TENM4: variants seen among roughly 807,000 people sequenced by gnomAD.
The protein encoded by TENM4 is teneurin-4.
A neutral mutation model predicts 243.3 loss-of-function variants in TENM4; 82 were observed. The observed-to-expected ratio is 0.34, with a 90% CI of 0.28 to 0.40. The LOEUF (loss-of-function observed/expected upper bound fraction) is 0.40. TENM4 is among the 10% of genes least tolerant of loss of function. The pLI is 1.00. For synonymous variants in TENM4, 1,412 were observed against 1,456.3 expected (o/e 0.97, Z 0.69); for missense variants, 3,138 against 3,673.3 (o/e 0.85, Z 3.77).
chr11:78,737,695 GT>G (rs1855831943), intron 20 of TENM4, among the ~76,000 whole-genome samples: 1 of 151,996 alleles, frequency 6.6e-6, no homozygotes, highest in Admixed American at 6.6e-5. Flanking sequence ...CTCATTGCCT[GT>G]CCTGTCACCA....
intron 2 of TENM4, among the ~76,000 whole-genome samples, chr11:79,290,730 C>G (rs138854336): frequency 2.0e-5 from 3 of 152,056 alleles, no homozygotes. Flanking sequence ...CTCTTTGGAC[C>G]ATTTTATTGA....
chr11:79,312,899 G>A (rs1260279081), intron 1 of TENM4, among the ~76,000 whole-genome samples: 1 of 152,220 alleles, frequency 6.6e-6, no homozygotes, highest in African/African-American at 2.4e-5. Flanking sequence ...GCCAGGGCAA[G>A]CTACTCACTC....
In TENM4 at chr11:78,771,146, A is replaced by G. The variant is rs1856638921; in HGVS notation, c.2393-8T>C. 3.2e-6 allele frequency: 5 copies of G among 1,563,538 alleles called. No homozygotes were observed. In the Middle Eastern group the frequency reaches 5.0e-4, roughly 156 times the overall value. On this transcript the variant is annotated splice_region_variant and splice_polypyrimidine_tract_variant and intron_variant, in intron 17 of 33. Transcript: ENST00000278550. ...ACAACCCAGGGCAACCCTCTGAAAG[A>G]CAAAGTACAGGGTTGAGGTCTGATC... is the stretch of plus-strand genomic sequence containing the variant.
intron 3 of TENM4, among the ~76,000 whole-genome samples, chr11:79,187,214 T>A (rs958495003): frequency 6.6e-6 from 1 of 152,196 alleles, no homozygotes; most frequent in African/African-American, 2.4e-5. Flanking sequence ...TGAGACGGGT[T>A]CAAGATAGAG....
intron 6 of TENM4, chr11:78,903,826 T>C (rs1215642922): frequency 6.1e-6 from 4 of 652,914 alleles, no homozygotes; most frequent in African/African-American, 5.3e-5. Flanking sequence ...AACTTCACAT[T>C]GTTTCATGCT....
chr11:78,802,395 C>T (rs1171941276), intron 15 of TENM4, among the ~76,000 whole-genome samples: 2 of 152,236 alleles, frequency 1.3e-5, no homozygotes, highest in Non-Finnish European at 2.9e-5. Context: ...TTGCCAAGGT[C>T]GCATGGTTAA....
At chr11:78,802,127 A>G (rs1333699048) in intron 15 of TENM4, among the ~76,000 whole-genome samples, 1 of 152,228 alleles carries the variant, frequency 6.6e-6, no homozygotes, top group Admixed American at 6.5e-5. Flanking sequence ...TCTTGGCTCT[A>G]GTGAATCCAG....
chr11:79,287,986 C>T (rs980026833), intron 2 of TENM4, among the ~76,000 whole-genome samples: 3 of 152,184 alleles, frequency 2.0e-5, no homozygotes, highest in Non-Finnish European at 2.9e-5. Context: ...TCAGTGGGAA[C>T]CCCAACAGCC....
At chr11:79,210,146 T>C (rs1016085509) in intron 3 of TENM4, among the ~76,000 whole-genome samples, 2 of 152,196 alleles carry the variant, frequency 1.3e-5, no homozygotes, top group African/African-American at 2.4e-5. Flanking sequence ...TTAGGATTAT[T>C]TCTTCAGTCT....
At chr11:79,221,063 A>C (rs1018075000) in intron 2 of TENM4, 1 of 152,242 alleles carries the variant, frequency 6.6e-6, no homozygotes, top group African/African-American at 2.4e-5. Flanking sequence ...AATAATGCCA[A>C]TCCTCCCAGG....
intron 6 of TENM4, 28 bp downstream of exon 6, chr11:79,064,710 C>G: frequency 6.4e-7 from 1 of 1,551,316 alleles, no homozygotes; most frequent in Non-Finnish European, 8.7e-7. Context: ...CACCCAGGCA[C>G]CCGGCACAGA....
intron 12 of TENM4, among the ~76,000 whole-genome samples, chr11:78,824,003 A>C (rs1404523864): frequency 6.6e-6 from 1 of 152,220 alleles, no homozygotes; most frequent in Non-Finnish European, 1.5e-5. Flanking sequence ...ACATGAAGGC[A>C]CAGATACTTG....
At chr11:78,950,894 G>A (rs996089982) in intron 6 of TENM4, among the ~76,000 whole-genome samples, 5 of 152,378 alleles carry the variant, frequency 3.3e-5, no homozygotes, top group African/African-American at 1.2e-4. Context: ...CAGCTGAGCA[G>A]ACTCAATGGA....
At chr11:78,941,086 A>G (rs556068407) in intron 6 of TENM4, among the ~76,000 whole-genome samples, 125 of 152,320 alleles carry the variant, frequency 8.2e-4, no homozygotes, top group Non-Finnish European at 1.3e-3. Flanking sequence ...GGAGCCTTAA[A>G]GCTCTTCCAG....
Position 78,913,362 on chromosome 11 carries a change from G to A in TENM4, c.494-9839C>T, listed in dbSNP as rs376533001. ...CAGATTTTGTTGGGAAAGGCCAGCTGCAGCCGGAGGGGTGGGATCTTTTCT... is the reference window on the plus strand; with the variant it reads ...CAGATTTTGTTGGGAAAGGCCAGCTACAGCCGGAGGGGTGGGATCTTTTCT... On this transcript the variant is annotated intron_variant, in intron 6 of 33. Transcript: ENST00000278550. Among the ~76,000 whole-genome samples, 56 of 152,330 alleles carry A rather than the reference G, an allele frequency of 3.7e-4. 1 individual carries two copies. The East Asian group carries it at 6.2e-3, about 17-fold the overall frequency.
chr11:79,156,175 C>G (rs1862611990), intron 3 of TENM4, among the ~76,000 whole-genome samples: 2 of 152,156 alleles, frequency 1.3e-5, no homozygotes, highest in Admixed American at 6.5e-5. Flanking sequence ...TCCAGAGGGA[C>G]AGGTCTGGGC....
At chr11:79,402,686 G>T (rs1011126140) in intron 1 of TENM4, among the ~76,000 whole-genome samples, 2 of 152,052 alleles carry the variant, frequency 1.3e-5, no homozygotes, top group Non-Finnish European at 2.9e-5. Context: ...CTCCTCTGCA[G>T]CCATTTCACC....
intron 4 of TENM4, among the ~76,000 whole-genome samples, chr11:79,130,982 GA>G (rs1861992207): frequency 6.6e-6 from 1 of 151,902 alleles, no homozygotes; most frequent in Non-Finnish European, 1.5e-5. Context: ...CAAAGACAAA[GA>G]AAAAATAATA....
At chr11:79,387,278 G>T (rs1326644142) in intron 1 of TENM4, among the ~76,000 whole-genome samples, 1 of 152,156 alleles carries the variant, frequency 6.6e-6, no homozygotes, top group Non-Finnish European at 1.5e-5. Context: ...TGGGAGGGGG[G>T]ATCACATTCT....
Sources: gnomAD v4.1 joint callset for allele counts (sites outside exome capture counted in the v4.1 genomes callset) on GRCh38, gnomAD v4.1.1 for gene constraint, MANE v1.5 for transcripts, NCBI Gene and HGNC (gene_info 2026-07-23, HGNC 2026-07-21) for gene names.